APC2: variants seen among roughly 807,000 people sequenced by gnomAD.
The protein encoded by APC2 is adenomatous polyposis coli protein 2.
Under a neutral mutation model 72.5 loss-of-function variants are expected in APC2, and 41 were observed. That is an observed-to-expected ratio of 0.57 (90% confidence interval 0.44 to 0.73). The LOEUF (loss-of-function observed/expected upper bound fraction) is 0.73, where lower values mean the gene tolerates loss of function less well. APC2 is among the 30% of genes least tolerant of loss of function. The pLI, the probability that APC2 is intolerant of heterozygous loss-of-function variation, is 0.00. For missense variants in APC2, 3,729 were observed against 3,403.4 expected (o/e 1.10, Z -2.38); for synonymous variants, 1,898 against 1,612.0 (o/e 1.18, Z -4.25).
intron 10 of APC2, chr19:1,458,722 G>C (rs555801091): frequency 6.6e-6 from 1 of 152,210 alleles, no homozygotes; most frequent in Non-Finnish European, 1.5e-5. Flanking sequence ...AAGTCTTGCT[G>C]TAACTTTTTT....
rs777821210 is a variant in APC2 at position 1,468,547 on chromosome 19, G to A, written c.5246G>A (p.Arg1749Gln). The A allele has an allele frequency of 2.5e-6, 4 of 1,598,518 alleles. No homozygotes were observed. Among genetic ancestry groups the A allele is most frequent in the East Asian group, 2.3e-5 (1 of 44,404 alleles). The change falls in exon 15 of 15, where the codon CGG becomes CAG. Residue 1749 changes from arginine to glutamine, a missense_variant. Transcript: ENST00000590469. ...GCGGAGGGAGAAATGGGCAGTGCCC[G>A]GCGGCCAGAGAAAAGGGGCGCAGCC... ...RQAEGEMGSA[R>Q]RPEKRGAASV...
chr19:1,448,079 C>T (rs1384902149), upstream of APC2, among the ~76,000 whole-genome samples: 1 of 152,180 alleles, frequency 6.6e-6, no homozygotes, highest in East Asian at 1.9e-4. Context: ...GACAACAAGG[C>T]TGAGCTGAAG....
upstream of APC2, among the ~76,000 whole-genome samples, chr19:1,448,240 G>T (rs1390588637): frequency 6.6e-6 from 1 of 152,078 alleles, no homozygotes; most frequent in Admixed American, 6.5e-5. Context: ...CCCTCAGCCT[G>T]GAACGCCTCT....
At chr19:1,457,491 G>C (rs1423785937) in intron 9 of APC2, 2 of 573,728 alleles carry the variant, frequency 3.5e-6, no homozygotes, top group Admixed American at 3.7e-5. Flanking sequence ...GGTAACTCTG[G>C]AAAGTTGGGT....
chr19:1,462,697 G>A (rs1019200901), intron 14 of APC2, among the ~76,000 whole-genome samples: 4 of 145,226 alleles, frequency 2.8e-5, no homozygotes, highest in South Asian at 2.2e-4. Context: ...GCAGCCAGGC[G>A]CAGTGGCTCA....
chr19:1,467,765 C>T lies in APC2; in HGVS notation c.4464C>T (p.Arg1488=). The T allele has an allele frequency of 2.1e-6, 3 of 1,430,812 alleles. No individual in the cohort carries two copies. The highest frequency in any genetic ancestry group is 2.2e-4 in the Middle Eastern group (1 of 4,510). 88.6% of individuals were successfully genotyped at this position (1,430,812 alleles called of 1,614,324 possible). ...DKDGSKPGRT[R]GDGALQSLCL... ...ACGGCTCAAAGCCCGGCCGGACCCG[C>T]GGGGACGGGGCGCTCCAGTCGCTGT... Residue 1488 remains arginine (R), a synonymous_variant, in exon 15 of 15, where the codon CGC becomes CGT. Coordinates refer to ENST00000590469, the MANE Select transcript of APC2 (RefSeq NM_005883.3).
rs2084038008 is a variant in APC2, at chr19:1,467,419, T to C, written c.4118T>C (p.Val1373Ala). 1 of 1,489,674 alleles carries C rather than the reference T, an allele frequency of 6.7e-7. No homozygotes were observed. Among genetic ancestry groups the C allele is most frequent in the African/African-American group, 1.5e-5 (1 of 68,948 alleles). 92.3% of individuals were successfully genotyped at this position (1,489,674 alleles called of 1,614,324 possible). ...GGTCGCCGCGCACTCCCCGTGCCCG[T>C]CTACATGTTGGTGCCCGCCCCGGCC... Reference protein sequence around the residue: ...VPGRRALPVPVYMLVPAPAPA... With the variant: ...VPGRRALPVPAYMLVPAPAPA... Residue 1373 changes from valine to alanine, a missense_variant, in exon 15 of 15, where the codon GTC becomes GCC. Physicochemically the swap from Val to Ala is moderately conservative, Grantham distance 64. Coordinates refer to ENST00000590469, the MANE Select transcript of APC2 (RefSeq NM_005883.3).
Position 1,467,025 on chromosome 19 carries a change from G to C in APC2, c.3724G>C (p.Asp1242His). ...GGAGAGCTACGTGAAGCGCTTCCTG[G>C]ACATCGCCGACTGCCGGGAGCGCTG... ...QWESYVKRFL[D>H]IADCRERCRL... The change falls in exon 15 of 15, where the codon GAC (aspartate) becomes CAC (histidine). Residue 1242 changes from aspartate (D) to histidine (H), a missense_variant. Physicochemically the swap from Asp to His is moderately conservative, Grantham distance 81. Coordinates refer to ENST00000590469, the MANE Select transcript of APC2 (RefSeq NM_005883.3). 6.2e-7 allele frequency: 1 copy of C among 1,611,084 alleles called. No individual in the cohort carries two copies. The highest frequency in any genetic ancestry group is 8.5e-7 in the Non-Finnish European group (1 of 1,179,348).
intron 11 of APC2, 132 bp from the exon 12 acceptor site, chr19:1,460,648 C>CGT: frequency 9.9e-7 from 1 of 1,012,068 alleles, no homozygotes; most frequent in Non-Finnish European, 1.5e-6. Flanking sequence ...ATGGGGTAAC[C>CGT]GTCCCCGGTA....
chr19:1,456,403 A>G lies in APC2; in HGVS notation c.815A>G (p.Lys272Arg). Residue 272 changes from lysine to arginine, a missense_variant and splice_region_variant, in exon 8 of 15, where the codon AAG becomes AGG. By Grantham distance (26) the Lys-to-Arg change is conservative. Transcript: ENST00000590469. ...EDGTPQPGNS[K>R]VEVVFWLLSM... is the part of the protein sequence containing the mutation. Reference sequence around the variant, plus strand: ...GGCACCCCTCAGCCGGGCAACAGCAAGGTGAGGGGGAGGGTGAAACGGGGG... The same window carrying G: ...GGCACCCCTCAGCCGGGCAACAGCAGGGTGAGGGGGAGGGTGAAACGGGGG... The G allele has an allele frequency of 2.5e-6, 4 of 1,599,234 alleles. No individual in the cohort carries two copies. Among genetic ancestry groups the G allele is most frequent in the Non-Finnish European group, 3.4e-6 (4 of 1,174,000 alleles).
chr19:1,460,474 G>A (rs11668593), intron 11 of APC2, among the ~76,000 whole-genome samples, 154 bp downstream of exon 11: 25,395 of 152,308 alleles, frequency 0.17, 2,756 homozygotes, highest in Admixed American at 0.29. Context: ...CAGAGAGTGC[G>A]GTGTGGGGGG....
Position 1,456,409 on chromosome 19 carries a change from G to C in APC2, c.816+5G>C. ...CCTCAGCCGGGCAACAGCAAGGTGAGGGGGAGGGTGAAACGGGGGCTGGCG... is the reference window on the plus strand; with the variant it reads ...CCTCAGCCGGGCAACAGCAAGGTGACGGGGAGGGTGAAACGGGGGCTGGCG... On this transcript the variant is annotated splice_donor_5th_base_variant and intron_variant, in intron 8 of 14. Transcript: ENST00000590469. The C allele has an allele frequency of 6.3e-7, 1 of 1,594,528 alleles. No individual in the cohort carries two copies. Among genetic ancestry groups the C allele is most frequent in the Non-Finnish European group, 8.5e-7 (1 of 1,171,844 alleles).
rs374551146 is a variant in APC2 at position 1,465,770 on chromosome 19, C to T, written c.2469C>T (p.Arg823=). The T allele has an allele frequency of 3.9e-5, 60 of 1,555,666 alleles. No homozygotes were observed. The African/African-American group carries it at 7.8e-4, about 20-fold the overall frequency. The part of the protein sequence containing the change: ...GQALARTPPT[R]RGGKEAEKDT... Reference sequence around the variant, plus strand: ...CGCTGGCTCGCACCCCGCCCACCCGCCGAGGCGGCAAGGAGGCAGAGAAGG... The same window carrying T: ...CGCTGGCTCGCACCCCGCCCACCCGTCGAGGCGGCAAGGAGGCAGAGAAGG... Residue 823 remains arginine (R), a synonymous_variant, in exon 15 of 15, where the codon CGC becomes CGT. Transcript: ENST00000590469.
intron 12 of APC2, 79 bp from the exon 13 acceptor site, chr19:1,460,958 C>G: frequency 6.3e-7 from 1 of 1,595,096 alleles, no homozygotes. Context: ...CCGTCCGACT[C>G]TCTGCAGACT....
rs1486956111 is a variant in APC2 at position 1,471,098 on chromosome 19, G to C, written c.*885G>C. The C allele has an allele frequency of 6.6e-6, 1 of 152,366 alleles. No homozygotes were observed. The highest frequency in any genetic ancestry group is 1.5e-5 in the Non-Finnish European group (1 of 68,164). 9.4% of individuals were successfully genotyped at this position (152,366 alleles called of 1,614,324 possible). On this transcript the variant is annotated 3_prime_UTR_variant, in exon 15 of 15. Coordinates refer to ENST00000590469, the MANE Select transcript of APC2 (RefSeq NM_005883.3). ...GGCCCGGCGCAGCCGCGGCGGGCGAGGCCAATGGAAAGGAGACTGAGGGGA... is the reference window on the plus strand; with the variant it reads ...GGCCCGGCGCAGCCGCGGCGGGCGACGCCAATGGAAAGGAGACTGAGGGGA...
chr19:1,466,050 G>T lies in APC2; in HGVS notation c.2749G>T (p.Ala917Ser). The change falls in exon 15 of 15, where the codon GCG becomes TCG. Residue 917 changes from alanine (A) to serine (S), a missense_variant. By Grantham distance (99) the Ala-to-Ser change is moderately conservative. Coordinates refer to ENST00000590469, the MANE Select transcript of APC2 (RefSeq NM_005883.3). ...SRAHPLLRLK[A>S]AHASLSNDSL... Reference sequence around the variant, plus strand: ...GGCGCACCCGCTGCTGCGGCTCAAGGCGGCCCACGCCAGCCTCTCCAACGA... The same window carrying T: ...GGCGCACCCGCTGCTGCGGCTCAAGTCGGCCCACGCCAGCCTCTCCAACGA... 1 of 1,503,488 alleles carries T rather than the reference G, an allele frequency of 6.7e-7. No individual in the cohort carries two copies. The allele number at this position is 1,503,488 out of a possible 1,614,324, so 93.1% of individuals were successfully genotyped here.
intron 11 of APC2, 110 bp downstream of exon 11, chr19:1,460,430 T>C: frequency 1.3e-6 from 2 of 1,504,724 alleles, no homozygotes; most frequent in Non-Finnish European, 1.8e-6. Context: ...CTGGGGCCAC[T>C]TGTCCCCAAC....
chr19:1,460,772 C>G lies in APC2; in HGVS notation c.1444-8C>G. ...ACCCCGTGACCCCGGCTGCATAACC[C>G]CCAACAGGCCACCCTGTGTGCGCGC... On this transcript the variant is annotated splice_region_variant and splice_polypyrimidine_tract_variant and intron_variant, in intron 11 of 14. Coordinates refer to ENST00000590469, the MANE Select transcript of APC2 (RefSeq NM_005883.3). 1 of 1,612,538 alleles carries G rather than the reference C, an allele frequency of 6.2e-7. No homozygotes were observed. The highest frequency in any genetic ancestry group is 8.5e-7 in the Non-Finnish European group (1 of 1,179,564).
In APC2 at chr19:1,468,286, C is replaced by T. The variant is rs1218388188; in HGVS notation, c.4985C>T (p.Ala1662Val). 6.5e-7 allele frequency: 1 copy of T among 1,538,160 alleles called. No individual in the cohort carries two copies. Among genetic ancestry groups the T allele is most frequent in the Non-Finnish European group, 8.7e-7 (1 of 1,143,522 alleles). The change falls in exon 15 of 15, where the codon GCA (alanine) becomes GTA (valine). Residue 1662 changes from alanine to valine, a missense_variant. Coordinates refer to ENST00000590469, the MANE Select transcript of APC2 (RefSeq NM_005883.3). ...PRATRLDERP[A>V]EGSRERGEEA... ...GCCACCCGGCTGGATGAGCGGCCCG[C>T]AGAGGGGTCCCGGGAACGCGGCGAG... is the stretch of plus-strand genomic sequence containing the variant.
Sources: gnomAD v4.1 joint callset for allele counts (sites outside exome capture counted in the v4.1 genomes callset) on GRCh38, gnomAD v4.1.1 for gene constraint, MANE v1.5 for transcripts, NCBI Gene and HGNC (gene_info 2026-07-23, HGNC 2026-07-21) for gene names.